The following GSPT1 variants were observed in gnomAD, a reference collection of about 807,000 sequenced individuals.
The protein encoded by GSPT1 is G1 to S phase transition 1, also known as eukaryotic peptide chain release factor GTP-binding subunit ERF3A.
In GSPT1, 20 loss-of-function variants were observed where a neutral mutation model predicts 72.5. The ratio of observed to expected loss-of-function variants is 0.28; its 90% CI spans 0.19 to 0.40. The LOEUF (loss-of-function observed/expected upper bound fraction) is 0.40, where lower values mean the gene tolerates loss of function less well. Ranked by LOEUF, GSPT1 falls within the 10% of genes least tolerant of loss-of-function variation. The pLI is 1.00. For synonymous variants in GSPT1, 334 were observed against 293.5 expected (o/e 1.14, Z -1.41); for missense variants, 580 against 811.9 (o/e 0.71, Z 3.47).
chr16:11,891,819 T>A (rs2054265552), intron 5 of GSPT1, among the ~76,000 whole-genome samples: 1 of 151,224 alleles, frequency 6.6e-6, no homozygotes, highest in Admixed American at 6.6e-5. Flanking sequence ...TGTGCCACCA[T>A]GCCTGGCTAA....
intron 6 of GSPT1, among the ~76,000 whole-genome samples, chr16:11,888,994 T>G (rs1383558911): frequency 6.6e-6 from 1 of 152,050 alleles, no homozygotes; most frequent in Non-Finnish European, 1.5e-5. Flanking sequence ...AATGGCTGTC[T>G]TGAGAGTTAA....
chr16:11,913,916 C>T (rs535509865), intron 1 of GSPT1, among the ~76,000 whole-genome samples: 2 of 152,234 alleles, frequency 1.3e-5, no homozygotes, highest in Non-Finnish European at 2.9e-5. Context: ...ACCAAATCAA[C>T]CGTGCTGACG....
chr16:11,877,600 T>G lies in GSPT1; in HGVS notation c.1429-20A>C. ...GTTGTGCTTTAAAAGAAAACAAGAC[T>G]GGAGGTTTTCTGACACATTCACTGC... On this transcript the variant is annotated intron_variant, in intron 11 of 14. Coordinates refer to ENST00000434724, the MANE Select transcript of GSPT1 (RefSeq NM_002094.4). This position sits in a 1 kb window ranked among gnomAD's most constrained non-coding sequence, Gnocchi z 4.0. 1 of 1,533,042 alleles carries G rather than the reference T, an allele frequency of 6.5e-7. No individual in the cohort carries two copies. Among genetic ancestry groups the G allele is most frequent in the Non-Finnish European group, 8.8e-7 (1 of 1,132,372 alleles). 95.0% of individuals were successfully genotyped at this position (1,533,042 alleles called of 1,614,324 possible). A position where few individuals can be genotyped will look rare whatever the true frequency, so the allele number is the denominator to read the frequency against.
rs1036916840 is a variant in GSPT1, at chr16:11,869,764, C to T, written c.*3355G>A. On this transcript the variant is annotated 3_prime_UTR_variant, in exon 15 of 15. Coordinates refer to ENST00000434724, the MANE Select transcript of GSPT1 (RefSeq NM_002094.4). The stretch of plus-strand genomic sequence containing the variant: ...TATGTGTAATAGTCATCAAAGATCA[C>T]GGAGTAATTCCAGTCATTACTAGTG... The T allele has an allele frequency of 1.3e-5, 2 of 152,150 alleles. No homozygotes were observed. Among genetic ancestry groups the T allele is most frequent in the African/African-American group, 2.4e-5 (1 of 41,432 alleles). The allele number at this position is 152,150 out of a possible 1,614,324, so 9.4% of individuals were successfully genotyped here. A position where few individuals can be genotyped will look rare whatever the true frequency, so the allele number is the denominator to read the frequency against.
At chr16:11,910,518 T>C (rs1201579901) in intron 1 of GSPT1, among the ~76,000 whole-genome samples, 1 of 152,242 alleles carries the variant, frequency 6.6e-6, no homozygotes, top group Non-Finnish European at 1.5e-5. Context: ...AACCAGAAAT[T>C]CGCATTTCTG....
In GSPT1 at chr16:11,915,423, C is replaced by G. The variant is rs2054619676; in HGVS notation, c.298G>C (p.Val100Leu). The change falls in exon 1 of 15, where the codon GTT becomes CTT. Residue 100 changes from valine to leucine, a missense_variant. This residue lies in a region of GSPT1 where 327 missense variants were observed against 298.8 expected (regional missense o/e 1.09). Coordinates refer to ENST00000434724, the MANE Select transcript of GSPT1 (RefSeq NM_002094.4). ...LRGPAAPPPP[V>L]GGAANNHGAG... is the part of the protein sequence containing the mutation. ...CCGTGGTTATTGGCGGCGCCGCCAA[C>G]TGGGGGTGGCGGCGCTGCCGGGCCC... 6.6e-7 allele frequency: 1 copy of G among 1,509,226 alleles called. No individual in the cohort carries two copies. Among genetic ancestry groups the G allele is most frequent in the Admixed American group, 2.1e-5 (1 of 46,554 alleles). 93.5% of individuals were successfully genotyped at this position (1,509,226 alleles called of 1,614,324 possible). A position where few individuals can be genotyped will look rare whatever the true frequency, so the allele number is the denominator to read the frequency against.
Position 11,872,802 on chromosome 16 carries a change from T to TA in GSPT1, c.*316dup, listed in dbSNP as rs1327717163. Reference sequence around the variant, plus strand: ...ATATGCCTAAGGGGAAAATGAAAAATAAAAAAATTCCTGTAGGTTTTCATT... The same window carrying TA: ...ATATGCCTAAGGGGAAAATGAAAAATAAAAAAAATTCCTGTAGGTTTTCATT... On this transcript the variant is annotated 3_prime_UTR_variant, in exon 15 of 15. Coordinates refer to ENST00000434724, the MANE Select transcript of GSPT1 (RefSeq NM_002094.4). 1 of 253,306 alleles carries TA rather than the reference T, an allele frequency of 3.9e-6. No homozygotes were observed. Among genetic ancestry groups the TA allele is most frequent in the Non-Finnish European group, 7.5e-6 (1 of 134,060 alleles). The allele number at this position is 253,306 out of a possible 1,614,324, so 15.7% of individuals were successfully genotyped here.
In GSPT1 at chr16:11,877,910, A is replaced by G. The variant is rs2054067642; in HGVS notation, c.1429-330T>C. Among the ~76,000 whole-genome samples the G allele has an allele frequency of 6.6e-6, 1 of 152,238 alleles. No individual in the cohort carries two copies. The highest frequency in any genetic ancestry group is 2.4e-5 in the African/African-American group (1 of 41,462). Reference sequence around the variant, plus strand: ...ATATTTGGATTTCAGTTTTATGGATATAATTTTTATTATTATGGAATTCTA... The same window carrying G: ...ATATTTGGATTTCAGTTTTATGGATGTAATTTTTATTATTATGGAATTCTA... On this transcript the variant is annotated intron_variant, in intron 11 of 14. Coordinates refer to ENST00000434724, the MANE Select transcript of GSPT1 (RefSeq NM_002094.4). The surrounding 1 kb of genome is among the most constrained non-coding windows in gnomAD (Gnocchi z 4.0).
chr16:11,895,205 C>T (rs1306459619), intron 4 of GSPT1: 5 of 400,636 alleles, frequency 1.2e-5, no homozygotes, highest in East Asian at 4.5e-5. Flanking sequence ...CCAGCGAGGG[C>T]GGATGACCTC....
chr16:11,898,811 A>G (rs888028802), intron 1 of GSPT1, among the ~76,000 whole-genome samples: 2 of 152,128 alleles, frequency 1.3e-5, no homozygotes, highest in African/African-American at 4.8e-5. Flanking sequence ...TAAATTAGAT[A>G]CCTATAAGAT....
intron 1 of GSPT1, chr16:11,914,992 A>G: frequency 7.8e-7 from 1 of 1,288,682 alleles, no homozygotes; most frequent in South Asian, 1.2e-5. Flanking sequence ...CGCCCACCCA[A>G]ATGACTCCTG....
chr16:11,887,759 ATTTTT>A lies in GSPT1; in HGVS notation c.777-14_777-10del. On this transcript the variant is annotated splice_polypyrimidine_tract_variant and intron_variant, in intron 6 of 14. Transcript: ENST00000434724. The stretch of plus-strand genomic sequence containing the variant: ...AGGCCCAAGACAAGTACCTGAAATA[ATTTTT>A]AAAAAAAGAACAATATTCCTAAGAA... 2 of 1,575,854 alleles carry A rather than the reference ATTTTT, an allele frequency of 1.3e-6. No individual in the cohort carries two copies. The highest frequency in any genetic ancestry group is 3.7e-5 in the Admixed American group (2 of 54,274).
At chr16:11,882,021 G>C (rs952049728) in intron 11 of GSPT1, 2 of 152,282 alleles carry the variant, frequency 1.3e-5, no homozygotes, top group African/African-American at 4.8e-5. Context: ...GGTGGCTCAA[G>C]CCTGTAATCC....
intron 5 of GSPT1, 79 bp downstream of exon 5, chr16:11,894,875 T>C: frequency 1.2e-6 from 1 of 851,362 alleles, no homozygotes; most frequent in South Asian, 1.4e-5. Flanking sequence ...CTCCTTTGTG[T>C]GACTGTATGA....
rs377281957 is a variant in GSPT1, at chr16:11,892,760, C to T, written c.699-1621G>A. Among the ~76,000 whole-genome samples the T allele has an allele frequency of 7.6e-5, 9 of 117,702 alleles. No individual in the cohort carries two copies. The East Asian group carries it at 1.5e-3, about 19-fold the overall frequency. 77.2% of individuals were successfully genotyped at this position (117,702 alleles called of 152,430 possible). Reference sequence around the variant, plus strand: ...AGGAGAATCATTTGAACCCAGGAGGCGGAGGTTGCAGTGAGCCAAGATCAC... The same window carrying T: ...AGGAGAATCATTTGAACCCAGGAGGTGGAGGTTGCAGTGAGCCAAGATCAC... On this transcript the variant is annotated intron_variant, in intron 5 of 14. Coordinates refer to ENST00000434724, the MANE Select transcript of GSPT1 (RefSeq NM_002094.4).
At chr16:11,911,984 C>T (rs1449222970) in intron 1 of GSPT1, among the ~76,000 whole-genome samples, 3 of 143,098 alleles carry the variant, frequency 2.1e-5, no homozygotes, top group Middle Eastern at 3.4e-3. Context: ...TGAGCCAATG[C>T]GCCCAGCTTG....
At chr16:11,904,841 T>C (rs1052000979) in intron 1 of GSPT1, among the ~76,000 whole-genome samples, 1 of 152,048 alleles carries the variant, frequency 6.6e-6, no homozygotes, top group Non-Finnish European at 1.5e-5. Flanking sequence ...AAACCAACAC[T>C]CTGGGAAGCA....
In GSPT1 at chr16:11,915,546, C is replaced by CCCGCTG; in HGVS notation, c.169_174dup (p.Gln57_Arg58dup). ...CGGCTGAAGGCCGCGCTGAGGTTCT[C>CCCGCTG]CCGCTGGGCCTCGGCCGCCGCCGCC... On this transcript the variant is annotated inframe_insertion, in exon 1 of 15. Coordinates refer to ENST00000434724, the MANE Select transcript of GSPT1 (RefSeq NM_002094.4). 1 of 1,500,868 alleles carries CCCGCTG rather than the reference C, an allele frequency of 6.7e-7. No individual in the cohort carries two copies. Among genetic ancestry groups the CCCGCTG allele is most frequent in the Non-Finnish European group, 8.9e-7 (1 of 1,125,206 alleles). 93.0% of individuals were successfully genotyped at this position (1,500,868 alleles called of 1,614,324 possible).
intron 14 of GSPT1, among the ~76,000 whole-genome samples, chr16:11,874,959 A>T (rs569914408): frequency 3.9e-5 from 6 of 152,256 alleles, no homozygotes; most frequent in Non-Finnish European, 8.8e-5. Context: ...TGGGAGGCCA[A>T]GGCGGGCGGA....
Sources: allele counts gnomAD v4.1 joint callset (sites outside exome capture counted in the v4.1 genomes callset), GRCh38; gene constraint gnomAD v4.1.1; regional missense constraint gnomAD v4.1.1; non-coding constraint Gnocchi (gnomAD v3.1); transcripts MANE v1.5; gene names NCBI Gene and HGNC (gene_info 2026-07-23, HGNC 2026-07-21).